MAGI1: variants seen among roughly 807,000 people sequenced by gnomAD.
The protein encoded by MAGI1 is membrane-associated guanylate kinase, WW and PDZ domain-containing protein 1.
A neutral mutation model predicts 139.9 loss-of-function variants in MAGI1; 58 were observed. That is an observed-to-expected ratio of 0.41 (90% CI 0.34 to 0.52). The LOEUF is 0.52. Among genes scored for constraint, MAGI1 ranks in the 20% least tolerant of loss-of-function variants. The pLI is 0.12. For missense variants in MAGI1, 1,874 were observed against 1,901.6 expected, an observed-to-expected ratio of 0.99 and a Z score of 0.27; for synonymous variants, 812 against 737.9, an observed-to-expected ratio of 1.10 and a Z score of -1.63.
At chr3:65,898,584 A>G (rs988408468) in intron 1 of MAGI1, among the ~76,000 whole-genome samples, 4 of 152,226 alleles carry the variant, frequency 2.6e-5, no homozygotes, top group African/African-American at 9.6e-5. Context: ...TTCATTTGCT[A>G]TGTCTCATTT....
At chr3:65,868,500 T>G (rs1304148360) in intron 1 of MAGI1, among the ~76,000 whole-genome samples, 2 of 152,176 alleles carry the variant, frequency 1.3e-5, no homozygotes, top group African/African-American at 4.8e-5. Context: ...ACAGACTCCC[T>G]GCACCCTGGA....
At chr3:66,005,787 T>C (rs2066983576) in intron 1 of MAGI1, among the ~76,000 whole-genome samples, 1 of 152,062 alleles carries the variant, frequency 6.6e-6, no homozygotes, top group African/African-American at 2.4e-5. Flanking sequence ...CACAAAGAGA[T>C]CTTCCATGCA....
intron 14 of MAGI1, among the ~76,000 whole-genome samples, chr3:65,386,651 G>A (rs1943469319): frequency 6.6e-6 from 1 of 152,274 alleles, no homozygotes; most frequent in Non-Finnish European, 1.5e-5. Context: ...GATTTTATTA[G>A]AATTAAGTTT....
intron 1 of MAGI1, among the ~76,000 whole-genome samples, chr3:65,888,124 A>G (rs1042712864): frequency 1.3e-5 from 2 of 152,172 alleles, no homozygotes; most frequent in Non-Finnish European, 2.9e-5. Context: ...CTACTGTGAA[A>G]ACAATTCCCA....
At chr3:65,359,450 C>G in intron 22 of MAGI1, 1 of 1,159,456 alleles carries the variant, frequency 8.6e-7, no homozygotes, top group Non-Finnish European at 1.1e-6. Context: ...TTTCAAACAA[C>G]TGGAACAATG....
chr3:65,478,461 G>A (rs1223764741), intron 4 of MAGI1, 131 bp downstream of exon 4: 3 of 785,486 alleles, frequency 3.8e-6, no homozygotes, highest in Non-Finnish European at 6.6e-6. Context: ...AGCACTGTGT[G>A]GTCCAAGTTT....
At chr3:65,692,098 T>C (rs2088718877) in intron 1 of MAGI1, among the ~76,000 whole-genome samples, 1 of 152,100 alleles carries the variant, frequency 6.6e-6, no homozygotes, top group African/African-American at 2.4e-5. Flanking sequence ...TATAGGTATA[T>C]AAGACCTTTT....
intron 2 of MAGI1, chr3:65,597,939 G>GA: frequency 4.6e-6 from 2 of 432,804 alleles, no homozygotes; most frequent in Non-Finnish European, 9.1e-6. Context: ...GGGGGGGTGG[G>GA]ACCGAACCCC....
intron 5 of MAGI1, among the ~76,000 whole-genome samples, chr3:65,469,357 G>A (rs1950405034): frequency 6.6e-6 from 1 of 151,486 alleles, no homozygotes; most frequent in African/African-American, 2.4e-5. Flanking sequence ...TTTCTCAGTG[G>A]TACATTAAAA....
chr3:65,758,754 A>G (rs145830778), intron 1 of MAGI1, among the ~76,000 whole-genome samples: 4 of 152,068 alleles, frequency 2.6e-5, no homozygotes, highest in Admixed American at 2.6e-4. Context: ...CAAGGTTGAG[A>G]AACTGTGAGA....
intron 2 of MAGI1, among the ~76,000 whole-genome samples, chr3:65,566,408 G>T (rs991914105): frequency 1.3e-5 from 2 of 151,740 alleles, no homozygotes; most frequent in African/African-American, 4.8e-5. Flanking sequence ...GATTCAGGGT[G>T]ATTTTTATGT....
chr3:65,454,218 C>G (rs148590196), intron 5 of MAGI1, among the ~76,000 whole-genome samples: 15 of 152,284 alleles, frequency 9.9e-5, no homozygotes, highest in African/African-American at 2.9e-4. Flanking sequence ...TCCAGTAGTT[C>G]TGGCTACAAA....
At chr3:65,471,195 G>C (rs1036556094) in intron 4 of MAGI1, among the ~76,000 whole-genome samples, 1 of 152,110 alleles carries the variant, frequency 6.6e-6, no homozygotes, top group Non-Finnish European at 1.5e-5. Context: ...CGAAATACTT[G>C]AGTCTCCTTG....
intron 1 of MAGI1, among the ~76,000 whole-genome samples, chr3:65,945,279 C>T (rs948710763): frequency 1.3e-5 from 2 of 152,102 alleles, no homozygotes; most frequent in African/African-American, 4.8e-5. Context: ...TGGATAAACT[C>T]GTGTCATGAG....
At chr3:65,406,545 C>A (rs1350876061) in intron 12 of MAGI1, among the ~76,000 whole-genome samples, 1 of 152,162 alleles carries the variant, frequency 6.6e-6, no homozygotes, top group Non-Finnish European at 1.5e-5. Flanking sequence ...TTCCCCTCTG[C>A]ATTTGGGTCT....
intron 1 of MAGI1, among the ~76,000 whole-genome samples, chr3:65,768,755 CA>C (rs2037702350): frequency 5.3e-5 from 8 of 152,138 alleles, no homozygotes; most frequent in Admixed American, 5.2e-4. Context: ...AACCTTCCTA[CA>C]ATTTAATTTT....
In MAGI1 at chr3:66,038,202, G is replaced by C. The variant is rs1430086411; in HGVS notation, c.107C>G (p.Ala36Gly). 2.5e-6 allele frequency: 4 copies of C among 1,612,050 alleles called. No homozygotes were observed. The highest frequency in any genetic ancestry group is 4.5e-5 in the East Asian group (2 of 44,836). The change falls in exon 1 of 23, where the codon GCG becomes GGG. Residue 36 changes from alanine (A) to glycine (G), a missense_variant. Ala to Gly is a moderately conservative substitution (Grantham distance 60, BLOSUM62 0). Coordinates refer to ENST00000402939, the MANE Select transcript of MAGI1 (RefSeq NM_001033057.2). ...GACGTACGGAAACTCCCCGTGCTCC[G>C]CGCCTCCCAGCACCGTCACCCCCAG... is the stretch of plus-strand genomic sequence containing the variant. The part of the protein sequence containing the change: ...GELGVTVLGG[A>G]EHGEFPYVGA...
At chr3:65,579,798 G>T (rs1164536965) in intron 2 of MAGI1, among the ~76,000 whole-genome samples, 2 of 147,208 alleles carry the variant, frequency 1.4e-5, no homozygotes, top group Non-Finnish European at 3.0e-5. Flanking sequence ...AGTAGGCGAA[G>T]ATCACGCCAC....
At chr3:65,867,030 T>C (rs955951447) in intron 1 of MAGI1, among the ~76,000 whole-genome samples, 1 of 152,170 alleles carries the variant, frequency 6.6e-6, no homozygotes, top group Non-Finnish European at 1.5e-5. Context: ...AATCTCTCTA[T>C]TTTTCAAGGG....
Sources: gnomAD v4.1 joint callset for allele counts (sites outside exome capture counted in the v4.1 genomes callset) on GRCh38, gnomAD v4.1.1 for gene constraint, MANE v1.5 for transcripts, NCBI Gene and HGNC (gene_info 2026-07-23, HGNC 2026-07-21) for gene names.